Variants in CHLSN observed in about 807,000 individuals in gnomAD.
CHLSN encodes cholesin, also known as protein cholesin.
At chr7:1,000,314 C>T in the CHLSN span, among the ~76,000 whole-genome samples, 2 of 143,412 alleles carry the variant, frequency 1.4e-5, no homozygotes, top group Non-Finnish European at 3.0e-5. Context: ...CCTCAGCCCC[C>T]GGGAGACGTG....
the CHLSN span, among the ~76,000 whole-genome samples, chr7:1,097,043 G>A: frequency 6.6e-6 from 1 of 152,258 alleles, no homozygotes; most frequent in African/African-American, 2.4e-5. The surrounding 1 kb of genome is among the most constrained non-coding windows in gnomAD (Gnocchi z 4.3). Flanking sequence ...CGGGAGACAG[G>A]GCAGGCGAGG....
At chr7:1,017,802 G>A in the CHLSN span, among the ~76,000 whole-genome samples, 8 of 152,176 alleles carry the variant, frequency 5.3e-5, no homozygotes, top group East Asian at 1.9e-4. Flanking sequence ...CTCTGCCCCC[G>A]CCCCCCACTG....
the CHLSN span, among the ~76,000 whole-genome samples, chr7:1,006,028 A>G: frequency 7.2e-5 from 11 of 152,218 alleles, no homozygotes; most frequent in Non-Finnish European, 1.0e-4. Flanking sequence ...TAAATCTTCA[A>G]TTTCCTGCGT....
chr7:1,101,256 G>C, the CHLSN span, among the ~76,000 whole-genome samples: 1 of 152,272 alleles, frequency 6.6e-6, no homozygotes, highest in African/African-American at 2.4e-5. Flanking sequence ...ATGGAGCCTG[G>C]GAACAAGGGT....
At chr7:1,039,272 G>A in the CHLSN span, among the ~76,000 whole-genome samples, 5 of 42,030 alleles carry the variant, frequency 1.2e-4, no homozygotes, top group East Asian at 1.6e-3. Context: ...CAGCCGCCCC[G>A]TCCAGGAGGT....
the CHLSN span, chr7:1,092,103 C>G: frequency 1.2e-6 from 2 of 1,613,882 alleles, no homozygotes; most frequent in Non-Finnish European, 1.7e-6. Context: ...GGTACTACGA[C>G]ATCGCCGTCC....
the CHLSN span, among the ~76,000 whole-genome samples, chr7:1,114,222 C>CA: frequency 1.3e-5 from 2 of 152,216 alleles, no homozygotes; most frequent in Non-Finnish European, 2.9e-5. Flanking sequence ...GTTCCTTACT[C>CA]AAAGTGCAAC....
the CHLSN span, among the ~76,000 whole-genome samples, chr7:1,033,414 C>T: frequency 4.4e-3 from 676 of 152,108 alleles, 5 homozygotes; most frequent in African/African-American, 0.015. Context: ...AAAAATTAGC[C>T]GGGTGTGGTG....
At chr7:1,124,561 G>C in the CHLSN span, among the ~76,000 whole-genome samples, 12 of 116,012 alleles carry the variant, frequency 1.0e-4, no homozygotes, top group African/African-American at 4.8e-4. Context: ...GAGGCAGTCG[G>C]GGGGTGGGGG....
chr7:1,037,517 G>T, the CHLSN span, among the ~76,000 whole-genome samples: 36 of 143,250 alleles, frequency 2.5e-4, 5 homozygotes, highest in Non-Finnish European at 5.0e-4. Flanking sequence ...GAGGTGCCGG[G>T]ATTGCAGACG....
chr7:1,113,937 C>T, the CHLSN span, among the ~76,000 whole-genome samples: 1 of 152,208 alleles, frequency 6.6e-6, no homozygotes, highest in African/African-American at 2.4e-5. Context: ...AATGGAGAGG[C>T]CCGAGCTCAG....
At chr7:1,012,042 G>T in the CHLSN span, among the ~76,000 whole-genome samples, 1 of 152,056 alleles carries the variant, frequency 6.6e-6, no homozygotes, top group Non-Finnish European at 1.5e-5. Flanking sequence ...CACCTCCTAG[G>T]CCCACAGCCG....
At chr7:1,040,243 C>T in the CHLSN span, among the ~76,000 whole-genome samples, 2 of 150,140 alleles carry the variant, frequency 1.3e-5, no homozygotes, top group African/African-American at 4.9e-5. Context: ...GTATTCCCAG[C>T]TGCTTGGGAG....
chr7:1,088,066 AGCGGG>A, the CHLSN span: 8 of 152,286 alleles, frequency 5.3e-5, no homozygotes, highest in Admixed American at 2.0e-4. The surrounding 1 kb of genome is among the most constrained non-coding windows in gnomAD (Gnocchi z 4.5). Flanking sequence ...GCCAGAGAGG[AGCGGG>A]GCGGAGGGGG....
At chr7:1,039,532 T>C in the CHLSN span, among the ~76,000 whole-genome samples, 1 of 47,326 alleles carries the variant, frequency 2.1e-5, no homozygotes, top group Non-Finnish European at 3.6e-5. Context: ...AGCCGCCCCG[T>C]CCGGGAGGGA....
chr7:1,081,283 G>A, the CHLSN span, among the ~76,000 whole-genome samples: 6 of 152,326 alleles, frequency 3.9e-5, 1 homozygote, highest in South Asian at 2.1e-4. Flanking sequence ...TTGCCAGGCT[G>A]GGATTTGAGA....
the CHLSN span, among the ~76,000 whole-genome samples, chr7:1,022,211 G>C: frequency 1.3e-5 from 2 of 152,186 alleles, no homozygotes; most frequent in African/African-American, 4.8e-5. Flanking sequence ...CCCGTCCCAC[G>C]AGGACAGACG....
the CHLSN span, among the ~76,000 whole-genome samples, chr7:1,020,123 C>A: frequency 3.3e-5 from 5 of 152,098 alleles, no homozygotes; most frequent in African/African-American, 9.7e-5. Context: ...GGAACACGGG[C>A]ACCAGGCCCA....
At chr7:992,611 C>T in the CHLSN span, among the ~76,000 whole-genome samples, 293 of 152,380 alleles carry the variant, frequency 1.9e-3, 1 homozygote, top group African/African-American at 6.9e-3. Context: ...TGAAGCTCCT[C>T]CCTCGGAGTG....
Sources: gnomAD v4.1 joint callset for allele counts (sites outside exome capture counted in the v4.1 genomes callset) on GRCh38, gnomAD v4.1.1 for gene constraint, Gnocchi (gnomAD v3.1) non-coding constraint, MANE v1.5 for transcripts, NCBI Gene and HGNC (gene_info 2026-07-23, HGNC 2026-07-21) for gene names.